HTR2C: variants seen among roughly 807,000 people sequenced by gnomAD.
The protein encoded by HTR2C is 5-hydroxytryptamine (serotonin) receptor 2C, G protein-coupled.
In HTR2C, 5 loss-of-function variants were observed where a neutral mutation model predicts 21.0. The observed-to-expected ratio is 0.24, with a 90% confidence interval of 0.12 to 0.50. HTR2C has a LOEUF of 0.50. Ranked by LOEUF, HTR2C falls within the 20% of genes least tolerant of loss-of-function variation. The pLI, the probability that HTR2C is intolerant of heterozygous loss-of-function variation, is 0.98. For synonymous variants in HTR2C, 150 were observed against 145.3 expected, an observed-to-expected ratio of 1.03 and a Z score of -0.23; for missense variants, 271 against 371.2, an observed-to-expected ratio of 0.73 and a Z score of 2.22.
At chrX:114,803,180 C>T (rs1556447545) in intron 4 of HTR2C, among the ~76,000 whole-genome samples, 1 of 96,206 alleles carries the variant, frequency 1.0e-5, no homozygotes. Flanking sequence ...TGAATAATGC[C>T]GCAATAAACA....
intron 4 of HTR2C, among the ~76,000 whole-genome samples, chrX:114,841,081 C>T (rs889364217): frequency 8.9e-6 from 1 of 111,913 alleles, no homozygotes; most frequent in African/African-American, 3.2e-5. Context: ...GCTGGTTAAC[C>T]TTCCAGAATA....
At chrX:114,752,948 A>T (rs782590777) in intron 4 of HTR2C, among the ~76,000 whole-genome samples, 2 of 111,665 alleles carry the variant, frequency 1.8e-5, no homozygotes, top group Non-Finnish European at 3.8e-5. Context: ...TCAGGACAAG[A>T]TGGAGTAGAC....
intron 4 of HTR2C, among the ~76,000 whole-genome samples, chrX:114,791,886 G>A (rs1292790330): frequency 3.6e-5 from 4 of 111,097 alleles, no homozygotes; most frequent in African/African-American, 1.3e-4. Flanking sequence ...TTTCCCATAC[G>A]TAAACTTGAT....
intron 4 of HTR2C, among the ~76,000 whole-genome samples, chrX:114,843,176 C>CTCAAA (rs2070847846): frequency 1.8e-5 from 2 of 111,991 alleles, no homozygotes; most frequent in African/African-American, 3.2e-5. Flanking sequence ...TTTACATCAA[C>CTCAAA]TGTCTCAAAT....
intron 5 of HTR2C, among the ~76,000 whole-genome samples, chrX:114,902,722 T>C (rs1174544463): frequency 2.2e-4 from 24 of 110,524 alleles, no homozygotes; most frequent in African/African-American, 7.6e-4. Context: ...GCGATTCTCC[T>C]TCCTCAGCCT....
At chrX:114,839,093 T>C (rs1556464874) in intron 4 of HTR2C, among the ~76,000 whole-genome samples, 1 of 112,498 alleles carries the variant, frequency 8.9e-6, no homozygotes, top group African/African-American at 3.2e-5. Context: ...TCTCATGATG[T>C]ATTTCCTTTC....
chrX:114,802,050 G>T (rs191726450), intron 4 of HTR2C, among the ~76,000 whole-genome samples: 2 of 110,519 alleles, frequency 1.8e-5, no homozygotes, highest in African/African-American at 6.6e-5. Context: ...AGATACAGGG[G>T]CAACAAAGAA....
intron 4 of HTR2C, among the ~76,000 whole-genome samples, chrX:114,815,017 C>T (rs1445367568): frequency 5.8e-5 from 6 of 102,803 alleles, no homozygotes; most frequent in Non-Finnish European, 1.2e-4. Context: ...ATACTTTATA[C>T]ATAGTATATT....
chrX:114,858,515 A>G (rs2070981284), intron 5 of HTR2C, among the ~76,000 whole-genome samples: 1 of 111,644 alleles, frequency 9.0e-6, no homozygotes, highest in African/African-American at 3.2e-5. Flanking sequence ...AAAATAAAAT[A>G]CATTTGATAT....
intron 2 of HTR2C, among the ~76,000 whole-genome samples, chrX:114,614,432 G>T (rs1357460973): frequency 1.8e-5 from 2 of 109,603 alleles, no homozygotes; most frequent in Non-Finnish European, 1.9e-5. Context: ...GCTAATTTTT[G>T]TATTTTTAGT....
chrX:114,641,786 T>C (rs1455713782), intron 2 of HTR2C, among the ~76,000 whole-genome samples: 1 of 111,457 alleles, frequency 9.0e-6, no homozygotes, highest in Non-Finnish European at 1.9e-5. Flanking sequence ...GCAGGTTTGT[T>C]ACATAGGTAC....
At chrX:114,726,623 C>T (rs1369774695) in intron 2 of HTR2C, among the ~76,000 whole-genome samples, 1 of 112,103 alleles carries the variant, frequency 8.9e-6, no homozygotes, top group Non-Finnish European at 1.9e-5. Flanking sequence ...TGGTATAAAC[C>T]ATGTATAAAT....
chrX:114,900,122 G>A (rs180794690), intron 5 of HTR2C, among the ~76,000 whole-genome samples: 24 of 110,776 alleles, frequency 2.2e-4, no homozygotes, highest in Admixed American at 2.0e-3. Flanking sequence ...TGGTCAGGGC[G>A]TTTCCATTAA....
intron 4 of HTR2C, among the ~76,000 whole-genome samples, chrX:114,785,171 T>C (rs781807764): frequency 1.8e-5 from 2 of 111,526 alleles, no homozygotes; most frequent in African/African-American, 3.3e-5. Flanking sequence ...ATTCCAGAAG[T>C]AGATGGCTTT....
chrX:114,686,685 TATTTAAAAAATTTTTTTAAATAAC>T (rs1931924977), intron 2 of HTR2C, among the ~76,000 whole-genome samples: 1 of 110,413 alleles, frequency 9.1e-6, no homozygotes, highest in African/African-American at 3.3e-5. Flanking sequence ...TTATATATTT[TATTTAAAAAATTTTTTTAAATAAC>T]ATTTAAAAAC....
chrX:114,592,208 G>T (rs1044172265), intron 1 of HTR2C, among the ~76,000 whole-genome samples: 17 of 112,277 alleles, frequency 1.5e-4, no homozygotes, highest in African/African-American at 5.2e-4. Flanking sequence ...TTATTAGGTT[G>T]GTTCAAAAGT....
At chrX:114,894,393 C>A (rs1556483535) in intron 5 of HTR2C, among the ~76,000 whole-genome samples, 1 of 111,034 alleles carries the variant, frequency 9.0e-6, no homozygotes, top group East Asian at 2.8e-4. Flanking sequence ...GCAAAAGCAT[C>A]CAGATATTTA....
intron 4 of HTR2C, chrX:114,774,813 T>G: frequency 2.3e-6 from 1 of 438,008 alleles, no homozygotes; most frequent in Non-Finnish European, 4.1e-6. Context: ...ATGCTACATC[T>G]ATATTTATGT....
rs192073802 is a variant in HTR2C at position 114,661,181 on chromosome X, G to A, written c.-80+47300G>A. 2.0e-4 allele frequency among the ~76,000 whole-genome samples: 22 copies of A among 111,182 alleles called. No individual in the cohort carries two copies. The East Asian group carries it at 6.3e-3, about 32-fold the overall frequency. Reference sequence around the variant, plus strand: ...GTTTGAGTGGAAAAGTTGGCCGGGCGCGGTGGCCCACGCCTGTAATCCCAG... The same window carrying A: ...GTTTGAGTGGAAAAGTTGGCCGGGCACGGTGGCCCACGCCTGTAATCCCAG... On this transcript the variant is annotated intron_variant, in intron 2 of 5. Transcript: ENST00000276198.
Sources: gnomAD v4.1 joint callset for allele counts (sites outside exome capture counted in the v4.1 genomes callset) on GRCh38, gnomAD v4.1.1 for gene constraint, MANE v1.5 for transcripts, NCBI Gene and HGNC (gene_info 2026-07-23, HGNC 2026-07-21) for gene names.